The following WDFY4 variants were observed in gnomAD, a reference collection of about 807,000 sequenced individuals.
WDFY4 encodes WD repeat- and FYVE domain-containing protein 4.
WDFY4 carries 169 observed loss-of-function variants against 351.9 expected under a neutral mutation model. The observed-to-expected ratio is 0.48, with a 90% CI of 0.42 to 0.55. The LOEUF (loss-of-function observed/expected upper bound fraction) is 0.55. WDFY4 is among the 20% of genes least tolerant of loss of function. The pLI, the probability that WDFY4 is intolerant of heterozygous loss-of-function variation, is 0.00. For synonymous variants in WDFY4, 1,622 were observed against 1,574.6 expected, an observed-to-expected ratio of 1.03 and a Z score of -0.71; for missense variants, 3,803 against 3,935.6, an observed-to-expected ratio of 0.97 and a Z score of 0.90.
chr10:48,747,527 A>G (rs984179623), intron 12 of WDFY4, among the ~76,000 whole-genome samples: 2 of 151,164 alleles, frequency 1.3e-5, no homozygotes, highest in Non-Finnish European at 3.0e-5. Context: ...TTTCTTTTAC[A>G]TTTTTCATCT....
At chr10:48,842,415 G>A (rs1384350123) in intron 39 of WDFY4, among the ~76,000 whole-genome samples, 6 of 152,086 alleles carry the variant, frequency 3.9e-5, no homozygotes, top group South Asian at 4.2e-4. Context: ...GACAGCAGTC[G>A]CCAGGTGTGT....
chr10:48,772,343 C>T (rs563106956), intron 13 of WDFY4, among the ~76,000 whole-genome samples: 2 of 151,852 alleles, frequency 1.3e-5, no homozygotes, highest in Admixed American at 1.3e-4. Flanking sequence ...TGCACACAGG[C>T]ATGTATGGTG....
intron 47 of WDFY4, chr10:48,913,470 G>T: frequency 6.4e-7 from 1 of 1,570,736 alleles, no homozygotes; most frequent in Non-Finnish European, 8.7e-7. Context: ...CGGTGTCGTC[G>T]TGGCCATGTT....
At chr10:48,885,021 C>T (rs1171905677) in intron 43 of WDFY4, among the ~76,000 whole-genome samples, 1 of 152,128 alleles carries the variant, frequency 6.6e-6, no homozygotes, top group Non-Finnish European at 1.5e-5. Flanking sequence ...AATGAATGAA[C>T]AAATAGATGA....
In WDFY4 at chr10:48,760,341, C is replaced by T. The variant is rs1159866118; in HGVS notation, c.2460-6C>T. ...GTCTCATGTCTGGCTCTCCCTCTCT[C>T]TGCAGGATGGATGAGGGAGATGCTG... On this transcript the variant is annotated splice_region_variant and splice_polypyrimidine_tract_variant and intron_variant, in intron 12 of 61. Transcript: ENST00000325239. 2.3e-5 allele frequency: 35 copies of T among 1,551,376 alleles called. No individual in the cohort carries two copies. The highest frequency in any genetic ancestry group is 3.0e-5 in the Non-Finnish European group (34 of 1,146,910).
intron 51 of WDFY4, among the ~76,000 whole-genome samples, chr10:48,949,406 C>T (rs149391999): frequency 3.9e-4 from 60 of 152,340 alleles, no homozygotes; most frequent in African/African-American, 1.2e-3. Flanking sequence ...TGGGAGGACA[C>T]ACCAGGCTCC....
intron 1 of WDFY4, among the ~76,000 whole-genome samples, chr10:48,701,802 G>A (rs974897536): frequency 1.6e-4 from 24 of 152,176 alleles, no homozygotes; most frequent in Non-Finnish European, 3.2e-4. Context: ...TTACCACCTC[G>A]TGGGGTGTTG....
Position 48,974,519 on chromosome 10 carries a change from A to AAAAAAAAAAAACACC in WDFY4, c.8929-333_8929-332insACACCAAAAAAAAAA, listed in dbSNP as rs1352344126. On this transcript the variant is annotated intron_variant, in intron 57 of 61. Coordinates refer to ENST00000325239, the MANE Select transcript of WDFY4 (RefSeq NM_001394531.1). The stretch of plus-strand genomic sequence containing the variant: ...CTCCGTCTCAAAAAAAAAAAAAAAA[A>AAAAAAAAAAAACACC]AAAAAAAAAACAACTCATGACATGA... 4.0e-5 allele frequency among the ~76,000 whole-genome samples: 2 copies of AAAAAAAAAAAACACC among 49,970 alleles called. 1 individual carries two copies. The highest frequency in any genetic ancestry group is 7.2e-5 in the Non-Finnish European group (2 of 27,746). 32.8% of individuals were successfully genotyped at this position (49,970 alleles called of 152,430 possible). A position where few individuals can be genotyped will look rare whatever the true frequency, so the allele number is the denominator to read the frequency against.
Position 48,978,368 on chromosome 10 carries a change from C to T in WDFY4, c.9351C>T (p.Pro3117=). The T allele has an allele frequency of 6.4e-7, 1 of 1,551,362 alleles. No individual in the cohort carries two copies. The highest frequency in any genetic ancestry group is 8.7e-7 in the Non-Finnish European group (1 of 1,146,854). The part of the protein sequence containing the change: ...SVPGRPAGEE[P]PAQPPSPRGH... ...CTGGACGGCCAGCAGGAGAGGAGCC[C>T]CCGGCTCAGCCTCCAAGCCCAAGAG... Residue 3117 remains proline, a synonymous_variant, in exon 60 of 62, where the codon CCC becomes CCT. Transcript: ENST00000325239.
chr10:48,878,952 A>G (rs1375051677), intron 43 of WDFY4, among the ~76,000 whole-genome samples: 5 of 152,238 alleles, frequency 3.3e-5, no homozygotes, highest in African/African-American at 1.2e-4. Flanking sequence ...TCATATATCT[A>G]CTATGTGAAA....
chr10:48,775,097 C>A (rs1468863687), intron 14 of WDFY4, among the ~76,000 whole-genome samples: 2 of 152,196 alleles, frequency 1.3e-5, no homozygotes, highest in South Asian at 4.1e-4. Flanking sequence ...CACCTGGATC[C>A]TCCAGGGGGC....
chr10:48,958,658 A>G (rs1220640186), intron 52 of WDFY4, among the ~76,000 whole-genome samples: 1 of 152,158 alleles, frequency 6.6e-6, no homozygotes, highest in African/African-American at 2.4e-5. Context: ...GCATGTCCTG[A>G]AGATGTTTAC....
intron 53 of WDFY4, 84 bp downstream of exon 53, chr10:48,959,897 G>A (rs1035009153): frequency 3.9e-6 from 5 of 1,281,624 alleles, no homozygotes; most frequent in Admixed American, 4.4e-5. Context: ...TCCAAGTGGA[G>A]GGCCAGTGAC....
At chr10:48,870,935 T>A (rs944548176) in intron 40 of WDFY4, among the ~76,000 whole-genome samples, 4 of 127,400 alleles carry the variant, frequency 3.1e-5, no homozygotes, top group Admixed American at 3.1e-4. Context: ...GGGGTGGATA[T>A]GCGTTCTTTT....
chr10:48,908,790 A>G (rs1417840994), intron 47 of WDFY4, among the ~76,000 whole-genome samples: 3 of 152,208 alleles, frequency 2.0e-5, no homozygotes, highest in Non-Finnish European at 4.4e-5. Context: ...GTACATGTGT[A>G]TGCGTAGCTC....
At chr10:48,982,457 G>A in intron 61 of WDFY4, 52 bp from the exon 62 acceptor site, 1 of 1,433,430 alleles carries the variant, frequency 7.0e-7, no homozygotes, top group Non-Finnish European at 9.3e-7. Context: ...TGCTGGCGGG[G>A]ACAAGTGGTA....
intron 39 of WDFY4, among the ~76,000 whole-genome samples, chr10:48,853,985 G>A (rs1413747445): frequency 1.3e-5 from 2 of 152,232 alleles, no homozygotes; most frequent in Non-Finnish European, 2.9e-5. Context: ...CTGAGCCAGA[G>A]TATAACCAAT....
At chr10:48,956,949 G>A (rs1841619206) in intron 51 of WDFY4, among the ~76,000 whole-genome samples, 180 bp from the exon 52 acceptor site, 1 of 152,198 alleles carries the variant, frequency 6.6e-6, no homozygotes, top group Non-Finnish European at 1.5e-5. Context: ...GACTAATGAA[G>A]GAACCGGTGG....
rs999219491 is a variant in WDFY4, at chr10:48,796,336, G to A, written c.4296G>A (p.Leu1432=). The A allele has an allele frequency of 1.3e-6, 2 of 1,552,242 alleles. No individual in the cohort carries two copies. Among genetic ancestry groups the A allele is most frequent in the Non-Finnish European group, 1.7e-6 (2 of 1,147,120 alleles). ...TCCTGAGGAAGAAGGCCTCTCTCCT[G>A]AACCATCGAATTTTTCAGCTGATCC... ...AFLLRKKASL[L]NHRIFQLILS... The change falls in exon 24 of 62, where the codon CTG becomes CTA. Residue 1432 remains leucine (L), a synonymous_variant. Transcript: ENST00000325239.
Sources: gnomAD v4.1 joint callset for allele counts (sites outside exome capture counted in the v4.1 genomes callset) on GRCh38, gnomAD v4.1.1 for gene constraint, MANE v1.5 for transcripts, NCBI Gene and HGNC (gene_info 2026-07-23, HGNC 2026-07-21) for gene names.